Variants in PCLO observed in about 807,000 individuals in gnomAD.
PCLO encodes the protein protein piccolo.
Under a neutral mutation model 427.5 loss-of-function variants are expected in PCLO, and 82 were observed. The ratio of observed to expected loss-of-function variants is 0.19; its 90% CI spans 0.16 to 0.23. PCLO has a LOEUF of 0.23. PCLO is among the 10% of genes least tolerant of loss of function. The pLI, the probability that PCLO is intolerant of heterozygous loss-of-function variation, is 1.00. For synonymous variants in PCLO, 2,357 were observed against 2,155.4 expected (o/e 1.09, Z -2.59); for missense variants, 6,239 against 6,115.9 (o/e 1.02, Z -0.67).
In PCLO at chr7:82,845,288, T is replaced by C. The variant is rs1407255297; in HGVS notation, c.14029A>G (p.Lys4677Glu). 6.2e-7 allele frequency: 1 copy of C among 1,613,230 alleles called. No homozygotes were observed. The highest frequency in any genetic ancestry group is 8.5e-7 in the Non-Finnish European group (1 of 1,179,544). The change falls in exon 13 of 25, where the codon AAG (lysine) becomes GAG (glutamate). Residue 4677 changes from lysine (K) to glutamate (E), a missense_variant. Around this residue, in one of 5 missense-constraint regions of PCLO, gnomAD observed 877 missense variants for 925.5 expected, o/e 0.95. Transcript: ENST00000333891. ...QPGSPSVSKKKHGSSKPTDGT... is the reference protein window; with the variant it reads ...QPGSPSVSKKEHGSSKPTDGT... ...ATCCTCACCTTGCTGCTGCCGTGCT[T>C]CTTTTTGCTCACTGAGGGGGACCCT...
chr7:82,894,611 G>A (rs897996261), intron 9 of PCLO, among the ~76,000 whole-genome samples: 4 of 151,978 alleles, frequency 2.6e-5, no homozygotes, highest in African/African-American at 9.7e-5. Flanking sequence ...TACAACACAC[G>A]GGAATTCAAG....
intron 3 of PCLO, among the ~76,000 whole-genome samples, chr7:83,093,294 A>C (rs2116447794): frequency 6.6e-6 from 1 of 151,482 alleles, no homozygotes; most frequent in Admixed American, 6.6e-5. Context: ...TATCTAACAA[A>C]GCAGTCATCA....
Position 83,159,668 on chromosome 7 carries a change from A to C in PCLO, c.248+2677T>G, listed in dbSNP as rs115168594. Among the ~76,000 whole-genome samples the C allele has an allele frequency of 7.9e-3, 1,204 of 152,214 alleles. 22 individuals carry two copies. Among genetic ancestry groups the C allele is most frequent in the African/African-American group, 0.028 (1,151 of 41,552 alleles). The stretch of plus-strand genomic sequence containing the variant: ...GAAAACATATATGCAAAATGTAGGA[A>C]TGTAAAAGCATCTGAGATAATAAAA... On this transcript the variant is annotated intron_variant, in intron 1 of 24. Transcript: ENST00000333891.
intron 3 of PCLO, among the ~76,000 whole-genome samples, chr7:82,997,478 A>G (rs544120309): frequency 2.6e-5 from 4 of 151,990 alleles, no homozygotes; most frequent in East Asian, 3.9e-4. Flanking sequence ...CAAATCTTAA[A>G]TAAGTTTTTC....
chr7:82,988,402 T>G (rs1796302247), intron 3 of PCLO, among the ~76,000 whole-genome samples: 1 of 152,106 alleles, frequency 6.6e-6, no homozygotes, highest in African/African-American at 2.4e-5. Flanking sequence ...AGATATAAAC[T>G]TATAATTTAT....
rs576141940 is a variant in PCLO, at chr7:82,919,044, A to G, written c.11113-2171T>C. Among the ~76,000 whole-genome samples, 7 of 152,096 alleles carry G rather than the reference A, an allele frequency of 4.6e-5. No homozygotes were observed. The South Asian group carries it at 1.4e-3, about 31-fold the overall frequency. ...AAATGCACATTACAAATAGTTATAT[A>G]TTGTACATATGTGTAAGGTAGGCTT... is the stretch of plus-strand genomic sequence containing the variant. On this transcript the variant is annotated intron_variant, in intron 6 of 24. Coordinates refer to ENST00000333891, the MANE Select transcript of PCLO (RefSeq NM_033026.6).
At chr7:82,979,615 A>G (rs746727344) in intron 3 of PCLO, among the ~76,000 whole-genome samples, 3 of 152,298 alleles carry the variant, frequency 2.0e-5, no homozygotes, top group South Asian at 2.1e-4. Flanking sequence ...TTTTGTTTCT[A>G]TCAGCAAACA....
chr7:82,907,054 T>G (rs1354436516), intron 8 of PCLO, among the ~76,000 whole-genome samples: 1 of 151,980 alleles, frequency 6.6e-6, no homozygotes, highest in Non-Finnish European at 1.5e-5. Context: ...TATATGTTAG[T>G]AACATTAAAT....
chr7:82,943,616 G>A (rs1324039043), intron 6 of PCLO, among the ~76,000 whole-genome samples: 1 of 152,114 alleles, frequency 6.6e-6, no homozygotes, highest in East Asian at 1.9e-4. Flanking sequence ...TAGAGAGCAT[G>A]CTACACTAAC....
chr7:82,828,349 C>A (rs1408107178), intron 16 of PCLO, among the ~76,000 whole-genome samples: 2 of 151,860 alleles, frequency 1.3e-5, no homozygotes, highest in African/African-American at 4.8e-5. Context: ...TTTGTACATA[C>A]GGAAAAGCAA....
intron 15 of PCLO, among the ~76,000 whole-genome samples, chr7:82,836,965 T>C (rs1472608252): frequency 6.6e-6 from 1 of 152,166 alleles, no homozygotes; most frequent in Non-Finnish European, 1.5e-5. Flanking sequence ...GAATGCTCCA[T>C]GTGTACTTGA....
chr7:83,050,208 G>GAAAAAAAAAAAAAAAAA (rs556193471), intron 3 of PCLO, among the ~76,000 whole-genome samples: 1 of 5,458 alleles, frequency 1.8e-4, no homozygotes. Flanking sequence ...CTGAAAAACT[G>GAAAAAAAAAAAAAAAAA]AAAAAAAAAA....
Position 82,965,841 on chromosome 7 carries a change from G to A in PCLO, c.3947C>T (p.Thr1316Ile). The A allele has an allele frequency of 5.0e-6, 8 of 1,613,736 alleles. No homozygotes were observed. The highest frequency in any genetic ancestry group is 1.3e-5 in the African/African-American group (1 of 75,026). ...TGGTGGCTGTGGCTGTTCTTTTATT[G>A]TTTTGGTTGTCTTATCATCTTCTTT... ...LPKEDDKTTK[T>I]IKEQPQPPCT... The change falls in exon 4 of 25, where the codon ACA becomes ATA. Residue 1316 changes from threonine (T) to isoleucine (I), a missense_variant. This residue lies in a region of PCLO where 4,677 missense variants were observed against 4,468.4 expected (regional missense o/e 1.05). Coordinates refer to ENST00000333891, the MANE Select transcript of PCLO (RefSeq NM_033026.6).
intron 20 of PCLO, among the ~76,000 whole-genome samples, chr7:82,820,060 C>T (rs1321496637): frequency 6.6e-6 from 1 of 152,128 alleles, no homozygotes; most frequent in Non-Finnish European, 1.5e-5. Context: ...GGTCAGGTTA[C>T]AGATGGATGT....
intron 3 of PCLO, among the ~76,000 whole-genome samples, chr7:83,101,035 T>C (rs1790724281): frequency 6.6e-6 from 1 of 151,970 alleles, no homozygotes; most frequent in Admixed American, 6.6e-5. Flanking sequence ...TGAACAAACA[T>C]GGATTTTTGC....
At chr7:82,978,847 CACACACACAA>C (rs1174084735) in intron 3 of PCLO, among the ~76,000 whole-genome samples, 2 of 111,878 alleles carry the variant, frequency 1.8e-5, no homozygotes, top group East Asian at 3.0e-4. Flanking sequence ...CACACACACA[CACACACACAA>C]ACACACACAC....
intron 3 of PCLO, among the ~76,000 whole-genome samples, chr7:82,977,099 C>A (rs1391042104): frequency 6.6e-6 from 1 of 152,042 alleles, no homozygotes; most frequent in South Asian, 2.1e-4. Context: ...CACTCACCCA[C>A]TATCCACTGA....
At chr7:83,162,235 T>G (rs1374999861) in intron 1 of PCLO, 110 bp downstream of exon 1, 2 of 1,300,070 alleles carry the variant, frequency 1.5e-6, no homozygotes, top group African/African-American at 3.0e-5. Flanking sequence ...GAGAATAAAA[T>G]GAACGGAGGC....
chr7:82,803,864 T>C (rs975416323), intron 21 of PCLO, among the ~76,000 whole-genome samples: 2 of 152,064 alleles, frequency 1.3e-5, no homozygotes, highest in African/African-American at 4.8e-5. Context: ...AAGAGTCTCC[T>C]AGACAGTTGT....
Sources: allele counts gnomAD v4.1 joint callset (sites outside exome capture counted in the v4.1 genomes callset), GRCh38; gene constraint gnomAD v4.1.1; regional missense constraint gnomAD v4.1.1; transcripts MANE v1.5; gene names NCBI Gene and HGNC (gene_info 2026-07-23, HGNC 2026-07-21).